The following PPFIBP1 variants were observed in gnomAD, a reference collection of about 807,000 sequenced individuals.
The protein encoded by PPFIBP1 is PPFIB scaffold protein 1.
Under a neutral mutation model 137.8 loss-of-function variants are expected in PPFIBP1, and 112 were observed. The ratio of observed to expected loss-of-function variants is 0.81; its 90% CI spans 0.70 to 0.95. The LOEUF (loss-of-function observed/expected upper bound fraction) is 0.95, where lower values mean the gene tolerates loss of function less well. Ranked by LOEUF, PPFIBP1 falls within the 40% of genes least tolerant of loss-of-function variation. The probability of loss-of-function intolerance (pLI) is 0.00; values close to 1 mark genes in which losing one functional copy is unlikely to be tolerated. For synonymous variants in PPFIBP1, 378 were observed against 417.3 expected (o/e 0.91, Z 1.15); for missense variants, 1,083 against 1,196.6 (o/e 0.91, Z 1.40).
chr12:27,592,445 T>C, intron 2 of PPFIBP1: 1 of 864,464 alleles, frequency 1.2e-6, no homozygotes, highest in Non-Finnish European at 1.7e-6. Context: ...TTCCAAAAAG[T>C]TGAAAAATCT....
At chr12:27,580,571 CT>C (rs1329832335) in intron 2 of PPFIBP1, among the ~76,000 whole-genome samples, 1 of 152,194 alleles carries the variant, frequency 6.6e-6, no homozygotes, top group African/African-American at 2.4e-5. Context: ...ATTTCTCATT[CT>C]TGTTACTAAG....
intron 2 of PPFIBP1, chr12:27,608,733 T>C (rs2138050708): frequency 3.1e-6 from 1 of 324,344 alleles, no homozygotes; most frequent in Non-Finnish European, 5.8e-6. Context: ...GTGTATGATA[T>C]CAGTCAGACT....
At chr12:27,673,554 T>G (rs2060328490) in intron 15 of PPFIBP1, among the ~76,000 whole-genome samples, 2 of 152,342 alleles carry the variant, frequency 1.3e-5, no homozygotes, top group South Asian at 2.1e-4. Context: ...GCAGAACAGT[T>G]AGAATTATTG....
chr12:27,680,500 A>C (rs893752962), intron 21 of PPFIBP1, among the ~76,000 whole-genome samples: 2 of 152,174 alleles, frequency 1.3e-5, no homozygotes, highest in Non-Finnish European at 2.9e-5. Flanking sequence ...CAGTCTCCTC[A>C]TCATCATAAT....
At chr12:27,687,120 T>C (rs1486688663) in intron 24 of PPFIBP1, among the ~76,000 whole-genome samples, 1 of 152,188 alleles carries the variant, frequency 6.6e-6, no homozygotes, top group Non-Finnish European at 1.5e-5. Flanking sequence ...TCTAACTGTG[T>C]TTTTCAGAGC....
rs996078914 is a variant in PPFIBP1 at position 27,640,164 on chromosome 12, G to T, written c.270+5049G>T. Among the ~76,000 whole-genome samples the T allele has an allele frequency of 2.0e-5, 3 of 152,186 alleles. 1 individual carries two copies. The highest frequency in any genetic ancestry group is 2.0e-4 in the Admixed American group (3 of 15,286). On this transcript the variant is annotated intron_variant, in intron 4 of 29. Transcript: ENST00000228425. Reference sequence around the variant, plus strand: ...ACAGAAAAACAAATTGATCAAATCGGCAGAATTCTTAGTTTACAGAGGTAA... The same window carrying T: ...ACAGAAAAACAAATTGATCAAATCGTCAGAATTCTTAGTTTACAGAGGTAA...
intron 15 of PPFIBP1, among the ~76,000 whole-genome samples, chr12:27,673,285 C>T (rs888106568): frequency 1.4e-4 from 21 of 152,174 alleles, no homozygotes; most frequent in Admixed American, 2.6e-4. Flanking sequence ...ATTAGGGATT[C>T]CTCTACTATG....
At chr12:27,577,710 G>A (rs751918027) in intron 1 of PPFIBP1, among the ~76,000 whole-genome samples, 3 of 152,124 alleles carry the variant, frequency 2.0e-5, no homozygotes, top group African/African-American at 4.8e-5. Context: ...TATACAACTT[G>A]TTCCTGTTGG....
chr12:27,680,201 G>C, intron 21 of PPFIBP1, 140 bp downstream of exon 21: 1 of 1,222,400 alleles, frequency 8.2e-7, no homozygotes, highest in South Asian at 1.6e-5. Flanking sequence ...ATCATCTTTA[G>C]AGCCGTGCAA....
At chr12:27,646,303 G>T in intron 5 of PPFIBP1, 155 bp downstream of exon 5, 1 of 687,004 alleles carries the variant, frequency 1.5e-6, no homozygotes, top group South Asian at 1.5e-5. Context: ...TGAGGATTGG[G>T]GCAGAATGAT....
chr12:27,671,587 A>G (rs747152955), intron 14 of PPFIBP1, 41 bp downstream of exon 14: 6 of 1,286,414 alleles, frequency 4.7e-6, no homozygotes, highest in Non-Finnish European at 6.5e-6. Flanking sequence ...TGTTCAAAAA[A>G]GTAGATCAGC....
chr12:27,633,151 G>A (rs556281996), intron 2 of PPFIBP1, among the ~76,000 whole-genome samples: 30 of 152,208 alleles, frequency 2.0e-4, no homozygotes, highest in African/African-American at 7.2e-4. Context: ...CACCTCAAGT[G>A]CAAGAATGGA....
At chr12:27,565,224 G>A (rs1284163046) in intron 1 of PPFIBP1, among the ~76,000 whole-genome samples, 1 of 152,232 alleles carries the variant, frequency 6.6e-6, no homozygotes, top group African/African-American at 2.4e-5. Flanking sequence ...AATGAAAGGG[G>A]TGTTAGGCAG....
At chr12:27,624,856 GAAAT>G (rs910326635) in intron 2 of PPFIBP1, among the ~76,000 whole-genome samples, 4 of 152,072 alleles carry the variant, frequency 2.6e-5, no homozygotes, top group African/African-American at 9.7e-5. Flanking sequence ...TTATGATAGA[GAAAT>G]AAAATATCTA....
At chr12:27,549,181 A>G (rs1772321291) in intron 1 of PPFIBP1, 1 of 152,244 alleles carries the variant, frequency 6.6e-6, no homozygotes, top group Non-Finnish European at 1.5e-5. Flanking sequence ...TCTGCTGTAG[A>G]GGAAAGGCTA....
intron 2 of PPFIBP1, among the ~76,000 whole-genome samples, chr12:27,625,524 C>G (rs1286909613): frequency 6.6e-6 from 1 of 151,308 alleles, no homozygotes; most frequent in East Asian, 1.9e-4. Context: ...CAAATACACA[C>G]TGTTCAAATT....
intron 2 of PPFIBP1, chr12:27,592,695 G>T: frequency 1.5e-6 from 2 of 1,335,266 alleles, no homozygotes; most frequent in Non-Finnish European, 1.1e-6. Flanking sequence ...GCTCTGACAG[G>T]ATTGAGATCT....
In PPFIBP1 at chr12:27,688,402, T is replaced by C; in HGVS notation, c.2475T>C (p.Ser825=). 1.2e-6 allele frequency: 2 copies of C among 1,614,102 alleles called. No homozygotes were observed. Among genetic ancestry groups the C allele is most frequent in the East Asian group, 2.2e-5 (1 of 44,870 alleles). ...LAEYAPNLRG[S]GVHGGLMVLE... is the part of the protein sequence containing the mutation. ...AATATGCGCCCAATCTCAGAGGCAG[T>C]GGTGTCCATGGTGGGCTCATGGTAA... Residue 825 remains serine (S), a synonymous_variant, in exon 26 of 30, where the codon AGT becomes AGC. Coordinates refer to ENST00000228425, the MANE Select transcript of PPFIBP1 (RefSeq NM_003622.4).
At chr12:27,541,247 G>C (rs946483783) in intron 1 of PPFIBP1, among the ~76,000 whole-genome samples, 2 of 151,770 alleles carry the variant, frequency 1.3e-5, no homozygotes, top group African/African-American at 4.8e-5. Context: ...ACGTGTGTGT[G>C]TGTGTGAGAG....
Sources: gnomAD v4.1 joint callset for allele counts (sites outside exome capture counted in the v4.1 genomes callset) on GRCh38, gnomAD v4.1.1 for gene constraint, MANE v1.5 for transcripts, NCBI Gene and HGNC (gene_info 2026-07-23, HGNC 2026-07-21) for gene names.